TSHZ3: variants seen among roughly 807,000 people sequenced by gnomAD.
TSHZ3 encodes teashirt homolog 3.
TSHZ3 carries 10 observed loss-of-function variants against 64.5 expected under a neutral mutation model. The ratio of observed to expected loss-of-function variants is 0.16; its 90% CI spans 0.10 to 0.26. The LOEUF (loss-of-function observed/expected upper bound fraction) is 0.26, where lower values mean the gene tolerates loss of function less well. Among genes scored for constraint, TSHZ3 ranks in the 10% least tolerant of loss-of-function variants. The pLI, the probability that TSHZ3 is intolerant of heterozygous loss-of-function variation, is 1.00. For missense variants in TSHZ3, 1,242 were observed against 1,421.7 expected (o/e 0.87, Z 2.03); for synonymous variants, 608 against 593.1 (o/e 1.03, Z -0.36).
At chr19:31,205,692 A>C (rs977366418) in intron 4 of TSHZ3, among the ~76,000 whole-genome samples, 12 of 152,186 alleles carry the variant, frequency 7.9e-5, no homozygotes, top group Non-Finnish European at 1.8e-4. Context: ...CCGACCCTCC[A>C]TCTGGGGCAG....
upstream of TSHZ3, among the ~76,000 whole-genome samples, chr19:31,350,041 C>A (rs8106888): frequency 0.013 from 1,713 of 135,320 alleles, 56 homozygotes; most frequent in African/African-American, 0.045. Context: ...GCGCTCGTTA[C>A]CCCCCACCCC....
intron 1 of TSHZ3, among the ~76,000 whole-genome samples, chr19:31,290,345 G>A (rs1434655509): frequency 6.6e-6 from 1 of 152,160 alleles, no homozygotes; most frequent in African/African-American, 2.4e-5. Flanking sequence ...GGGGCTCAAA[G>A]CAACAGTGTG....
chr19:31,194,211 T>C (rs1407142619), intron 5 of TSHZ3, among the ~76,000 whole-genome samples: 4 of 152,224 alleles, frequency 2.6e-5, no homozygotes. Flanking sequence ...GGACTAGTCA[T>C]TGGGTATCCC....
intron 1 of TSHZ3, among the ~76,000 whole-genome samples, chr19:31,338,814 C>CT (rs1310134126): frequency 2.0e-5 from 3 of 150,924 alleles, no homozygotes; most frequent in South Asian, 2.1e-4. Flanking sequence ...CTCCCTCCAT[C>CT]TTTTTTTTCT....
At chr19:31,159,448 G>C (rs1974345144) in intron 5 of TSHZ3, among the ~76,000 whole-genome samples, 1 of 152,174 alleles carries the variant, frequency 6.6e-6, no homozygotes, top group East Asian at 1.9e-4. Flanking sequence ...CACCTTCGGG[G>C]AGGTCTTTAT....
At chr19:31,322,592 T>A (rs1916804437) in intron 1 of TSHZ3, among the ~76,000 whole-genome samples, 1 of 152,026 alleles carries the variant, frequency 6.6e-6, no homozygotes, top group Admixed American at 6.6e-5. Context: ...AGCTAACTTT[T>A]AATGTTTTGT....
chr19:31,253,539 C>A (rs1392744776), intron 1 of TSHZ3, among the ~76,000 whole-genome samples: 3 of 152,016 alleles, frequency 2.0e-5, no homozygotes, highest in African/African-American at 7.2e-5. Context: ...TTTTTTTAAT[C>A]TTTGTAGAGA....
At chr19:31,321,671 C>G (rs1916775186) in intron 1 of TSHZ3, among the ~76,000 whole-genome samples, 2 of 152,176 alleles carry the variant, frequency 1.3e-5, no homozygotes, top group Admixed American at 6.5e-5. Context: ...GACAGCAGTA[C>G]TTTCCATCCA....
chr19:31,215,019 A>T (rs1376941084), intron 4 of TSHZ3, among the ~76,000 whole-genome samples: 1 of 152,126 alleles, frequency 6.6e-6, no homozygotes, highest in Non-Finnish European at 1.5e-5. Context: ...TAAAATTTTT[A>T]AAAAGTTGGC....
intron 1 of TSHZ3, among the ~76,000 whole-genome samples, chr19:31,252,883 A>G (rs1324953371): frequency 2.0e-5 from 3 of 152,250 alleles, no homozygotes; most frequent in African/African-American, 7.2e-5. Flanking sequence ...GGAGACCACC[A>G]TTCAGCCCAC....
intron 1 of TSHZ3, among the ~76,000 whole-genome samples, chr19:31,331,927 G>A (rs961553498): frequency 6.6e-6 from 1 of 152,182 alleles, no homozygotes; most frequent in African/African-American, 2.4e-5. Flanking sequence ...TTTCTTCTGG[G>A]CAGGGGCAAG....
chr19:31,309,380 T>C (rs946776167), intron 1 of TSHZ3, among the ~76,000 whole-genome samples: 3 of 120,826 alleles, frequency 2.5e-5, no homozygotes, highest in Non-Finnish European at 5.2e-5. Flanking sequence ...GGTGGAGCCA[T>C]ATCTTCTGCA....
At chr19:31,338,815 T>A (rs1329963845) in intron 1 of TSHZ3, among the ~76,000 whole-genome samples, 1 of 150,982 alleles carries the variant, frequency 6.6e-6, no homozygotes, top group African/African-American at 2.4e-5. Flanking sequence ...TCCCTCCATC[T>A]TTTTTTTCTT....
chr19:31,267,040 A>G (rs1369177354), intron 1 of TSHZ3, among the ~76,000 whole-genome samples: 2 of 152,154 alleles, frequency 1.3e-5, no homozygotes, highest in South Asian at 2.1e-4. Context: ...TTTCTGCCCA[A>G]TCGTGTTCTT....
chr19:31,254,275 G>A (rs1020592810), intron 1 of TSHZ3, among the ~76,000 whole-genome samples: 1 of 152,154 alleles, frequency 6.6e-6, no homozygotes, highest in African/African-American at 2.4e-5. Flanking sequence ...AGGGATGCTG[G>A]GTACCCTGGG....
In TSHZ3 at chr19:31,278,230, A is replaced by C; in HGVS notation, c.1563T>G (p.Asp521Glu). 1 of 1,614,170 alleles carries C rather than the reference A, an allele frequency of 6.2e-7. No homozygotes were observed. ...CTGTGTTTTCCAAGGATTTGAGGAT[A>C]TCAAGCCCCCCCTTGGGACTCTCTT... ...DLEESPKGGLDILKSLENTVT... is the reference protein window; with the variant it reads ...DLEESPKGGLEILKSLENTVT... The change falls in exon 2 of 2, where the codon GAT (aspartate) becomes GAG (glutamate). Residue 521 changes from aspartate to glutamate, a missense_variant. By Grantham distance (45) the Asp-to-Glu change is conservative (BLOSUM62 2). Coordinates refer to ENST00000240587, the MANE Select transcript of TSHZ3 (RefSeq NM_020856.4). This position sits in a 1 kb window ranked among gnomAD's most constrained non-coding sequence, Gnocchi z 4.7.
Position 31,276,795 on chromosome 19 carries a change from C to T in TSHZ3, c.2998G>A (p.Gly1000Ser). ...TTGGATAAGTCCCGTAGCCGGAAGC[C>T]TAAGTGTGACTCTAGGTGACTGATG... is the stretch of plus-strand genomic sequence containing the variant. ...TYISHLESHLGFRLRDLSKLS... is the reference protein window; with the variant it reads ...TYISHLESHLSFRLRDLSKLS... The change falls in exon 2 of 2, where the codon GGC (glycine) becomes AGC (serine). Residue 1000 changes from glycine to serine, a missense_variant. By Grantham distance (56) the Gly-to-Ser change is moderately conservative. Transcript: ENST00000240587. 6.2e-7 allele frequency: 1 copy of T among 1,614,196 alleles called. No individual in the cohort carries two copies. Among genetic ancestry groups the T allele is most frequent in the Non-Finnish European group, 8.5e-7 (1 of 1,180,036 alleles).
In TSHZ3 at chr19:31,276,871, G is replaced by A. The variant is rs755360689; in HGVS notation, c.2922C>T (p.Pro974=). 6.8e-6 allele frequency: 11 copies of A among 1,614,220 alleles called. No homozygotes were observed. Among genetic ancestry groups the A allele is most frequent in the South Asian group, 3.3e-5 (3 of 91,080 alleles). Residue 974 remains proline, a synonymous_variant, in exon 2 of 2, where the codon CCC becomes CCT. Transcript: ENST00000240587. ...KFLKNLDTGH[P]VFFCNDCASQ... is the part of the protein sequence containing the mutation. ...ACGCACAATCGTTACAAAAGAAGACGGGGTGGCCAGTGTCCAAGTTTTTGA... is the reference window on the plus strand; with the variant it reads ...ACGCACAATCGTTACAAAAGAAGACAGGGTGGCCAGTGTCCAAGTTTTTGA...
At chr19:31,177,138 T>C (rs1159648505) in intron 5 of TSHZ3, among the ~76,000 whole-genome samples, 1 of 152,176 alleles carries the variant, frequency 6.6e-6, no homozygotes, top group Non-Finnish European at 1.5e-5. Flanking sequence ...CAGCATAGTA[T>C]AGAATTGCTA....
Sources: allele counts gnomAD v4.1 joint callset (sites outside exome capture counted in the v4.1 genomes callset), GRCh38; gene constraint gnomAD v4.1.1; non-coding constraint Gnocchi (gnomAD v3.1); transcripts MANE v1.5; gene names NCBI Gene and HGNC (gene_info 2026-07-23, HGNC 2026-07-21).